The following DPP10 variants were observed in gnomAD, a reference collection of about 807,000 sequenced individuals.
The protein encoded by DPP10 is dipeptidyl peptidase like 10.
A neutral mutation model predicts 120.9 loss-of-function variants in DPP10; 33 were observed. The ratio of observed to expected loss-of-function variants is 0.27; its 90% confidence interval spans 0.21 to 0.37. The LOEUF (loss-of-function observed/expected upper bound fraction) is 0.37. Ranked by LOEUF, DPP10 falls within the 10% of genes least tolerant of loss-of-function variation. DPP10 has a pLI of 1.00. For missense variants in DPP10, 816 were observed against 942.8 expected, an observed-to-expected ratio of 0.87 and a Z score of 1.76; for synonymous variants, 337 against 326.1, an observed-to-expected ratio of 1.03 and a Z score of -0.36.
chr2:115,263,311 C>T (rs2059329975), intron 1 of DPP10, among the ~76,000 whole-genome samples: 2 of 152,212 alleles, frequency 1.3e-5, no homozygotes, highest in Non-Finnish European at 2.9e-5. Context: ...AAGCCTGCAT[C>T]TCTGGTTCTC....
At chr2:115,341,825 CTATT>C (rs574670997) in intron 2 of DPP10, among the ~76,000 whole-genome samples, 95 of 152,048 alleles carry the variant, frequency 6.2e-4, no homozygotes, top group Middle Eastern at 6.8e-3. Flanking sequence ...AAAAATGTAT[CTATT>C]TAGCCATTCA....
intron 1 of DPP10, among the ~76,000 whole-genome samples, chr2:114,790,591 G>GT (rs1683154063): frequency 6.6e-6 from 1 of 152,054 alleles, no homozygotes; most frequent in South Asian, 2.1e-4. Flanking sequence ...GGAGATAAAG[G>GT]TGGGGCCGTT....
chr2:115,244,692 ATAAAT>A (rs2058450668), intron 1 of DPP10, among the ~76,000 whole-genome samples: 1 of 151,912 alleles, frequency 6.6e-6, no homozygotes, highest in African/African-American at 2.4e-5. Context: ...TGAGAATAAA[ATAAAT>A]TAAAATTAAA....
chr2:115,231,920 T>C (rs1397345141), intron 1 of DPP10, among the ~76,000 whole-genome samples: 2 of 152,186 alleles, frequency 1.3e-5, no homozygotes, highest in Admixed American at 1.3e-4. Flanking sequence ...GAATAGGGCC[T>C]GGGCCTGTGG....
rs968104911 is a variant in DPP10, at chr2:115,225,506, T to A, written c.61-83733T>A. ...CAAACCGCATGAATGTGTGTGTGTGTGTGTGCGTGTGTGTGTGTGTGTGTA... is the reference window on the plus strand; with the variant it reads ...CAAACCGCATGAATGTGTGTGTGTGAGTGTGCGTGTGTGTGTGTGTGTGTA... On this transcript the variant is annotated intron_variant, in intron 1 of 25. Coordinates refer to ENST00000410059, the MANE Select transcript of DPP10 (RefSeq NM_020868.6). Among the ~76,000 whole-genome samples, 134 of 151,184 alleles carry A rather than the reference T, an allele frequency of 8.9e-4. 1 individual carries two copies. The highest frequency in any genetic ancestry group is 6.8e-3 in the Middle Eastern group (2 of 294).
intron 11 of DPP10, 87 bp from the exon 12 acceptor site, chr2:115,762,485 A>AG (rs903648988): frequency 2.1e-6 from 3 of 1,404,962 alleles, no homozygotes; most frequent in Non-Finnish European, 3.0e-6. Flanking sequence ...GGGAAAAAAA[A>AG]CTGATAACCG....
Position 115,307,925 on chromosome 2 carries a change from G to A in DPP10, c.61-1314G>A, listed in dbSNP as rs558656334. On this transcript the variant is annotated intron_variant, in intron 1 of 25. Transcript: ENST00000410059. ...AAGTGTTGGATAATAAGCATTATTT[G>A]AAAAAGAGGTGTGGAGCAAGTCATT... 3.4e-4 allele frequency among the ~76,000 whole-genome samples: 51 copies of A among 152,232 alleles called. No homozygotes were observed. In the East Asian group the frequency reaches 8.1e-3, roughly 24 times the overall value.
At chr2:115,264,892 T>A (rs958811176) in intron 1 of DPP10, among the ~76,000 whole-genome samples, 3 of 152,094 alleles carry the variant, frequency 2.0e-5, no homozygotes, top group African/African-American at 7.2e-5. Flanking sequence ...TGAAAGGAAA[T>A]AGTCATAAGA....
chr2:114,560,374 G>T (rs776847324), intron 1 of DPP10, among the ~76,000 whole-genome samples: 3 of 152,140 alleles, frequency 2.0e-5, no homozygotes, highest in Non-Finnish European at 2.9e-5. Flanking sequence ...AGAGAAGATG[G>T]TTCCTGAGGA....
chr2:114,569,628 C>A (rs1231606126), intron 1 of DPP10, among the ~76,000 whole-genome samples: 1 of 152,112 alleles, frequency 6.6e-6, no homozygotes, highest in Non-Finnish European at 1.5e-5. Flanking sequence ...TTTTGCATTG[C>A]ACTGTATGTT....
chr2:114,952,398 A>G (rs1287037046), intron 1 of DPP10, among the ~76,000 whole-genome samples: 1 of 152,194 alleles, frequency 6.6e-6, no homozygotes, highest in African/African-American at 2.4e-5. Context: ...CTCTGATAAA[A>G]CATTAACATG....
intron 3 of DPP10, among the ~76,000 whole-genome samples, chr2:115,493,517 GAA>G (rs35641137): frequency 6.9e-6 from 1 of 144,328 alleles, no homozygotes; most frequent in African/African-American, 2.5e-5. Context: ...AGAGCTGTTG[GAA>G]AAAAAAAAAA....
At chr2:114,591,228 T>A (rs1691435326) in intron 1 of DPP10, among the ~76,000 whole-genome samples, 1 of 152,228 alleles carries the variant, frequency 6.6e-6, no homozygotes, top group Non-Finnish European at 1.5e-5. Flanking sequence ...AACTGAGGTG[T>A]GAGACTTTCA....
intron 1 of DPP10, among the ~76,000 whole-genome samples, chr2:114,675,999 C>T (rs1698648837): frequency 1.3e-5 from 2 of 152,040 alleles, no homozygotes; most frequent in Admixed American, 1.3e-4. Context: ...AGGGTTTCAC[C>T]ATGTTGGTCA....
rs1324515134 is a variant in DPP10 at position 114,522,264 on chromosome 2, G to A, written c.60+79426G>A. Among the ~76,000 whole-genome samples the A allele has an allele frequency of 8.5e-5, 13 of 152,100 alleles. No homozygotes were observed. The East Asian group carries it at 1.2e-3, about 14-fold the overall frequency. ...CTCCCAAAGTGCTGGGATTACAGGC[G>A]TGAGCCACCGCGCCCGGCCTATCCA... On this transcript the variant is annotated intron_variant, in intron 1 of 25. Transcript: ENST00000410059.
At chr2:114,858,967 A>C (rs1689584573) in intron 1 of DPP10, among the ~76,000 whole-genome samples, 1 of 152,128 alleles carries the variant, frequency 6.6e-6, no homozygotes, top group African/African-American at 2.4e-5. Flanking sequence ...GTTTGTTACA[A>C]ATCTCAATAG....
intron 1 of DPP10, among the ~76,000 whole-genome samples, chr2:114,484,144 G>C (rs938677312): frequency 1.1e-4 from 17 of 152,160 alleles, no homozygotes; most frequent in Non-Finnish European, 2.4e-4. Flanking sequence ...ATGGCATGCA[G>C]AGGCTGTGAG....
chr2:115,740,094 G>A (rs1677068995), intron 9 of DPP10, among the ~76,000 whole-genome samples: 1 of 152,076 alleles, frequency 6.6e-6, no homozygotes, highest in African/African-American at 2.4e-5. Context: ...TTGAAAGTGT[G>A]TGAACTTTCA....
At chr2:115,266,878 G>A (rs2059485574) in intron 1 of DPP10, among the ~76,000 whole-genome samples, 1 of 152,162 alleles carries the variant, frequency 6.6e-6, no homozygotes, top group African/African-American at 2.4e-5. Flanking sequence ...ATAAGCAAAA[G>A]CTCTTGTGAT....
Sources: gnomAD v4.1 joint callset for allele counts (sites outside exome capture counted in the v4.1 genomes callset) on GRCh38, gnomAD v4.1.1 for gene constraint, MANE v1.5 for transcripts, NCBI Gene and HGNC (gene_info 2026-07-23, HGNC 2026-07-21) for gene names.